Variants in TMEM132D observed in about 807,000 individuals in gnomAD.
TMEM132D encodes the protein mature OL transmembrane protein.
In TMEM132D, 21 loss-of-function variants were observed where a neutral mutation model predicts 62.3. The observed-to-expected ratio is 0.34, with a 90% CI of 0.24 to 0.49. The LOEUF (loss-of-function observed/expected upper bound fraction) is 0.49. Ranked by LOEUF, TMEM132D falls within the 20% of genes least tolerant of loss-of-function variation. TMEM132D has a pLI of 0.99. For missense variants in TMEM132D, 1,346 were observed against 1,402.8 expected (o/e 0.96, Z 0.65); for synonymous variants, 621 against 575.6 (o/e 1.08, Z -1.13).
intron 3 of TMEM132D, among the ~76,000 whole-genome samples, chr12:129,437,371 C>T (rs1052904826): frequency 2.0e-5 from 3 of 152,210 alleles, no homozygotes; most frequent in African/African-American, 7.2e-5. Flanking sequence ...TACACTTTGT[C>T]TGCTTAGAGC....
intron 3 of TMEM132D, among the ~76,000 whole-genome samples, chr12:129,530,677 A>C (rs1039487309): frequency 6.6e-6 from 1 of 152,202 alleles, no homozygotes; most frequent in African/African-American, 2.4e-5. Flanking sequence ...GTGAAGAGAG[A>C]CGTATAGGCT....
intron 5 of TMEM132D, among the ~76,000 whole-genome samples, chr12:129,104,329 G>C: frequency 6.6e-6 from 1 of 151,656 alleles, no homozygotes; most frequent in Non-Finnish European, 1.5e-5. Context: ...TGGGAAAACT[G>C]GCTAGCCATA....
chr12:129,082,333 C>T (rs1291791153), intron 6 of TMEM132D, among the ~76,000 whole-genome samples: 1 of 152,176 alleles, frequency 6.6e-6, no homozygotes, highest in Non-Finnish European at 1.5e-5. Context: ...GACCTAGTTT[C>T]TTTCATCCAA....
At chr12:129,712,485 G>A (rs1037310041) in intron 1 of TMEM132D, among the ~76,000 whole-genome samples, 3 of 152,166 alleles carry the variant, frequency 2.0e-5, no homozygotes, top group Admixed American at 1.3e-4. Context: ...ACATTTCCAA[G>A]TCTCCCTTGC....
intron 1 of TMEM132D, among the ~76,000 whole-genome samples, chr12:129,825,856 G>A (rs1403622749): frequency 6.6e-6 from 1 of 152,144 alleles, no homozygotes. Flanking sequence ...TTGAGCCCAG[G>A]AGTTCAAGAC....
intron 5 of TMEM132D, among the ~76,000 whole-genome samples, chr12:129,196,539 C>T (rs1391703203): frequency 6.6e-6 from 1 of 152,140 alleles, no homozygotes; most frequent in East Asian, 1.9e-4. Context: ...ACCAATGTCT[C>T]AGCACAGTAA....
chr12:129,748,060 G>A (rs1869874262), intron 1 of TMEM132D, among the ~76,000 whole-genome samples: 1 of 152,160 alleles, frequency 6.6e-6, no homozygotes, highest in Non-Finnish European at 1.5e-5. Flanking sequence ...AGGGCTTGGT[G>A]CATGGTACCT....
At chr12:129,822,562 G>A (rs263300) in intron 1 of TMEM132D, among the ~76,000 whole-genome samples, 149,729 of 152,272 alleles carry the variant, frequency 0.98, 73,632 homozygotes, top group Non-Finnish European at 0.99. Context: ...TATGGTTTGT[G>A]TATCAGTCCA....
chr12:129,310,852 G>A (rs207473529), intron 4 of TMEM132D, among the ~76,000 whole-genome samples: 3 of 152,260 alleles, frequency 2.0e-5, no homozygotes, highest in African/African-American at 4.8e-5. Flanking sequence ...TGCATGCATC[G>A]TTGTCCCGAA....
At chr12:129,428,524 G>A (rs182079217) in intron 3 of TMEM132D, among the ~76,000 whole-genome samples, 4 of 152,174 alleles carry the variant, frequency 2.6e-5, no homozygotes, top group Admixed American at 2.0e-4. Flanking sequence ...TCACCACTAC[G>A]TATGCTGGAG....
chr12:129,878,980 G>A lies in TMEM132D; in HGVS notation c.79+24281C>T, dbSNP rs909622874. ...AGCCTAGAGAGGGCAGCAGCTCCCT[G>A]TTGTAGCTACTCTCTCAGTTTCTTC... On this transcript the variant is annotated intron_variant, in intron 1 of 8. Transcript: ENST00000422113. Among the ~76,000 whole-genome samples the A allele has an allele frequency of 2.0e-5, 3 of 152,178 alleles. No individual in the cohort carries two copies. In the East Asian group the frequency reaches 5.8e-4, roughly 29 times the overall value.
intron 4 of TMEM132D, among the ~76,000 whole-genome samples, chr12:129,279,142 C>T (rs2135607676): frequency 6.6e-6 from 1 of 152,236 alleles, no homozygotes; most frequent in South Asian, 2.1e-4. Flanking sequence ...CCTGTGCAGC[C>T]CAAATACAAC....
At chr12:129,363,539 G>T (rs371862829) in intron 3 of TMEM132D, among the ~76,000 whole-genome samples, 18 of 152,226 alleles carry the variant, frequency 1.2e-4, no homozygotes, top group African/African-American at 4.3e-4. Context: ...GTGCTGAGAG[G>T]CTCAGATGTT....
chr12:129,577,273 C>G (rs907558417), intron 2 of TMEM132D, among the ~76,000 whole-genome samples: 1 of 151,816 alleles, frequency 6.6e-6, no homozygotes, highest in Non-Finnish European at 1.5e-5. Flanking sequence ...AAAACAGCAG[C>G]AGGAGGCACC....
At chr12:129,829,328 CT>C (rs2137332524) in intron 1 of TMEM132D, among the ~76,000 whole-genome samples, 1 of 152,214 alleles carries the variant, frequency 6.6e-6, no homozygotes, top group South Asian at 2.1e-4. Flanking sequence ...GGGACATCTC[CT>C]TCCTCTTCCT....
chr12:129,336,567 G>A (rs115921285), intron 4 of TMEM132D, among the ~76,000 whole-genome samples: 3,928 of 151,130 alleles, frequency 0.026, 190 homozygotes, highest in African/African-American at 0.091. Context: ...CTGGCACTCC[G>A]TCAAAAAGAA....
At chr12:129,640,551 G>C (rs559831156) in intron 2 of TMEM132D, among the ~76,000 whole-genome samples, 2 of 152,292 alleles carry the variant, frequency 1.3e-5, no homozygotes, top group Admixed American at 6.5e-5. Flanking sequence ...CCATGGAAAT[G>C]CTAAGGTGTT....
intron 5 of TMEM132D, among the ~76,000 whole-genome samples, chr12:129,092,026 T>A (rs1381067783): frequency 6.6e-6 from 1 of 152,230 alleles, no homozygotes; most frequent in African/African-American, 2.4e-5. Flanking sequence ...ACTGTACATG[T>A]CATATAATTT....
At chr12:129,353,336 A>C (rs1869930852) in intron 3 of TMEM132D, among the ~76,000 whole-genome samples, 1 of 152,172 alleles carries the variant, frequency 6.6e-6, no homozygotes, top group Non-Finnish European at 1.5e-5. Context: ...TTTAAAAAAC[A>C]TGAATTTTAG....
Sources: allele counts gnomAD v4.1 joint callset (sites outside exome capture counted in the v4.1 genomes callset), GRCh38; gene constraint gnomAD v4.1.1; transcripts MANE v1.5; gene names NCBI Gene and HGNC (gene_info 2026-07-23, HGNC 2026-07-21).